CASZ1: variants seen among roughly 807,000 people sequenced by gnomAD.
CASZ1 encodes castor zinc finger 1.
Under a neutral mutation model 135.2 loss-of-function variants are expected in CASZ1, and 28 were observed. The ratio of observed to expected loss-of-function variants is 0.21; its 90% CI spans 0.15 to 0.28. CASZ1 has a LOEUF of 0.28. Ranked by LOEUF, CASZ1 falls within the 10% of genes least tolerant of loss-of-function variation. The pLI, the probability that CASZ1 is intolerant of heterozygous loss-of-function variation, is 1.00. For missense variants in CASZ1, 2,161 were observed against 2,453.3 expected (o/e 0.88, Z 2.52); for synonymous variants, 1,068 against 1,073.4 (o/e 0.99, Z 0.10).
intron 2 of CASZ1, among the ~76,000 whole-genome samples, chr1:10,752,040 C>T (rs7528673): frequency 0.033 from 5,022 of 152,220 alleles, 256 homozygotes; most frequent in African/African-American, 0.11. Flanking sequence ...CCTCCCTGCC[C>T]GCAGTGACAG....
At chr1:10,642,716 A>T in intron 20 of CASZ1, 143 bp downstream of exon 20, 1 of 902,118 alleles carries the variant, frequency 1.1e-6, no homozygotes, top group Non-Finnish European at 1.6e-6. Context: ...ACCCAGTCCC[A>T]CAGACCAGCT....
At chr1:10,680,246 G>T (rs7545228) in intron 4 of CASZ1, among the ~76,000 whole-genome samples, 5,522 of 149,190 alleles carry the variant, frequency 0.037, 356 homozygotes, top group African/African-American at 0.13. Context: ...TGCTGCCGGA[G>T]GGCTCCGGCT....
At chr1:10,734,362 T>C (rs1382055791) in intron 2 of CASZ1, among the ~76,000 whole-genome samples, 2 of 152,220 alleles carry the variant, frequency 1.3e-5, no homozygotes, top group African/African-American at 4.8e-5. Context: ...CGACATCTTT[T>C]TATTTTGTTT....
Position 10,644,942 on chromosome 1 carries a change from G to C in CASZ1, c.3843C>G (p.Thr1281=). The C allele has an allele frequency of 1.2e-6, 2 of 1,613,850 alleles. No homozygotes were observed. Among genetic ancestry groups the C allele is most frequent in the Non-Finnish European group, 1.7e-6 (2 of 1,179,964 alleles). The part of the protein sequence containing the change: ...RRAANGFKYF[T]KREECGRLGC... ...CTAGCCTGCCACACTCCTCGCGCTT[G>C]GTGAAGTATTTGAAGCCATTGGCTG... The change falls in exon 18 of 21, where the codon ACC becomes ACG. Residue 1281 remains threonine, a synonymous_variant. Coordinates refer to ENST00000377022, the MANE Select transcript of CASZ1 (RefSeq NM_001079843.3).
intron 1 of CASZ1, among the ~76,000 whole-genome samples, chr1:10,796,317 C>T (rs1001106929): frequency 6.6e-6 from 1 of 152,158 alleles, no homozygotes; most frequent in Non-Finnish European, 1.5e-5. Flanking sequence ...CGCGCCGCCC[C>T]GCGCCCGGGT....
At chr1:10,748,531 G>A (rs1195703007) in intron 2 of CASZ1, among the ~76,000 whole-genome samples, 1 of 152,220 alleles carries the variant, frequency 6.6e-6, no homozygotes, top group Non-Finnish European at 1.5e-5. Flanking sequence ...TAAGCTTGCA[G>A]AGTGACGGCC....
intron 11 of CASZ1, chr1:10,653,075 G>C: frequency 2.3e-6 from 1 of 441,414 alleles, no homozygotes; most frequent in Non-Finnish European, 4.2e-6. Flanking sequence ...AGCAGACAGG[G>C]AGGGGGGACC....
intron 4 of CASZ1, among the ~76,000 whole-genome samples, chr1:10,673,082 G>A (rs1181792046): frequency 1.3e-5 from 2 of 152,290 alleles, no homozygotes; most frequent in Admixed American, 6.5e-5. Context: ...TCCGAGGGGG[G>A]CGGGAGCCTG....
rs1229576570 is a variant in CASZ1, at chr1:10,776,451, C to T, written c.-233-15594G>A. Among the ~76,000 whole-genome samples, 1 of 152,230 alleles carries T rather than the reference C, an allele frequency of 6.6e-6. No individual in the cohort carries two copies. ...AGCTGCCTCTTGTCACAGGGTACCACTTCTCTCCCCTGCTTGTAATTGTCT... is the reference window on the plus strand; with the variant it reads ...AGCTGCCTCTTGTCACAGGGTACCATTTCTCTCCCCTGCTTGTAATTGTCT... On this transcript the variant is annotated intron_variant, in intron 1 of 20. Transcript: ENST00000377022. This position sits in a 1 kb window ranked among gnomAD's most constrained non-coding sequence, Gnocchi z 4.1.
intron 1 of CASZ1, among the ~76,000 whole-genome samples, chr1:10,783,084 G>T (rs1040725862): frequency 1.3e-5 from 2 of 152,200 alleles, no homozygotes; most frequent in Non-Finnish European, 2.9e-5. Context: ...CACACAGGGC[G>T]CTGGGCAATG....
At chr1:10,655,532 T>A in intron 9 of CASZ1, 117 bp downstream of exon 9, 2 of 974,358 alleles carry the variant, frequency 2.1e-6, no homozygotes, top group Non-Finnish European at 3.0e-6. Context: ...GAGAGGCTCC[T>A]GATCAACTGG....
chr1:10,671,540 C>T (rs1045388793), intron 4 of CASZ1, among the ~76,000 whole-genome samples: 14 of 152,166 alleles, frequency 9.2e-5, no homozygotes, highest in South Asian at 4.2e-4. Context: ...TGCCCTGCTC[C>T]GGGCAAGTGT....
intron 2 of CASZ1, among the ~76,000 whole-genome samples, chr1:10,715,618 T>TCCCCACAGCACCCAATCCGCA (rs1268700655): frequency 2.0e-5 from 1 of 49,460 alleles, no homozygotes; most frequent in African/African-American, 1.1e-4. Flanking sequence ...CCCAATCCGC[T>TCCCCACAGCACCCAATCCGCA]CCCCACAGCA....
intron 2 of CASZ1, among the ~76,000 whole-genome samples, chr1:10,742,784 G>A (rs1639948752): frequency 6.6e-6 from 1 of 152,088 alleles, no homozygotes; most frequent in African/African-American, 2.4e-5. Flanking sequence ...AGGAGTTCAA[G>A]ACCAGCCCGG....
intron 20 of CASZ1, among the ~76,000 whole-genome samples, chr1:10,640,990 A>C (rs527569069): frequency 1.2e-4 from 19 of 152,194 alleles, no homozygotes; most frequent in African/African-American, 4.6e-4. Context: ...CAAACAAGAG[A>C]AGCTCTCTGA....
At chr1:10,661,561 AAC>A (rs1557481412) in intron 5 of CASZ1, among the ~76,000 whole-genome samples, 3 of 150,206 alleles carry the variant, frequency 2.0e-5, no homozygotes, top group Non-Finnish European at 3.0e-5. Flanking sequence ...GATCACATAC[AAC>A]ACACACATGC....
intron 6 of CASZ1, 85 bp from the exon 7 acceptor site, chr1:10,658,661 T>A: frequency 8.3e-7 from 1 of 1,201,800 alleles, no homozygotes; most frequent in Non-Finnish European, 1.2e-6. Flanking sequence ...GCCCCTGCCC[T>A]GAGGCCCCAG....
intron 2 of CASZ1, among the ~76,000 whole-genome samples, chr1:10,712,252 A>G (rs1639300813): frequency 6.6e-6 from 1 of 152,148 alleles, no homozygotes; most frequent in Non-Finnish European, 1.5e-5. Context: ...AGGCTGAGGC[A>G]GGAAAATCAC....
chr1:10,670,968 G>C (rs1051622235), intron 4 of CASZ1, among the ~76,000 whole-genome samples: 11 of 152,212 alleles, frequency 7.2e-5, no homozygotes, highest in Admixed American at 2.6e-4. Flanking sequence ...CTGCTCCCTA[G>C]GGGTTCAGCC....
Sources: gnomAD v4.1 joint callset for allele counts (sites outside exome capture counted in the v4.1 genomes callset) on GRCh38, gnomAD v4.1.1 for gene constraint, Gnocchi (gnomAD v3.1) non-coding constraint, MANE v1.5 for transcripts, NCBI Gene and HGNC (gene_info 2026-07-23, HGNC 2026-07-21) for gene names.